The following HECTD2 variants were observed in gnomAD, a reference collection of about 807,000 sequenced individuals.
The protein encoded by HECTD2 is probable E3 ubiquitin-protein ligase HECTD2.
Under a neutral mutation model 103.2 loss-of-function variants are expected in HECTD2, and 35 were observed. The ratio of observed to expected loss-of-function variants is 0.34; its 90% CI spans 0.26 to 0.45. HECTD2 has a LOEUF of 0.45. Ranked by LOEUF, HECTD2 falls within the 20% of genes least tolerant of loss-of-function variation. The pLI, the probability that HECTD2 is intolerant of heterozygous loss-of-function variation, is 1.00. For synonymous variants in HECTD2, 281 were observed against 329.9 expected, an observed-to-expected ratio of 0.85 and a Z score of 1.61; for missense variants, 596 against 937.4, an observed-to-expected ratio of 0.64 and a Z score of 4.76.
chr10:91,512,452 T>G lies in HECTD2; in HGVS notation c.*68T>G. ...TTCCCTCTTACTGTGCCTTTAGCCT[T>G]TTCATGTTTCTGTCTCAAAACACTT... On this transcript the variant is annotated 3_prime_UTR_variant, in exon 21 of 21. Coordinates refer to ENST00000298068, the MANE Select transcript of HECTD2 (RefSeq NM_182765.6). 1 of 1,357,184 alleles carries G rather than the reference T, an allele frequency of 7.4e-7. No individual in the cohort carries two copies. The highest frequency in any genetic ancestry group is 1.5e-5 in the South Asian group (1 of 65,810). 84.1% of individuals were successfully genotyped at this position (1,357,184 alleles called of 1,614,324 possible).
chr10:91,460,095 C>T (rs1845279566), intron 2 of HECTD2, among the ~76,000 whole-genome samples: 1 of 151,944 alleles, frequency 6.6e-6, no homozygotes, highest in South Asian at 2.1e-4. Context: ...ATTGAAATAC[C>T]CCCGGAAAGA....
chr10:91,509,591 A>T (rs1217056433), intron 20 of HECTD2, among the ~76,000 whole-genome samples: 1 of 152,172 alleles, frequency 6.6e-6, no homozygotes, highest in Non-Finnish European at 1.5e-5. Context: ...ATGGAATACT[A>T]TGCAGCCATT....
chr10:91,421,798 T>A (rs1843370188), intron 1 of HECTD2, among the ~76,000 whole-genome samples: 1 of 152,248 alleles, frequency 6.6e-6, no homozygotes, highest in Admixed American at 6.5e-5. Flanking sequence ...CAGTGAGGTG[T>A]CAAAATATGC....
intron 10 of HECTD2, 98 bp downstream of exon 10, chr10:91,485,401 C>A: frequency 1.2e-6 from 1 of 830,330 alleles, no homozygotes; most frequent in Admixed American, 2.9e-5. Flanking sequence ...CATACGTTTA[C>A]ATATAAATGT....
At chr10:91,470,073 A>G (rs1247995093) in intron 5 of HECTD2, among the ~76,000 whole-genome samples, 1 of 151,996 alleles carries the variant, frequency 6.6e-6, no homozygotes, top group Admixed American at 6.6e-5. Context: ...TTATAAAGGA[A>G]CTTCTTAGAG....
In HECTD2 at chr10:91,416,400, T is replaced by C. The variant is rs184168029; in HGVS notation, c.138+5824T>C. Among the ~76,000 whole-genome samples the C allele has an allele frequency of 5.7e-4, 87 of 152,348 alleles. 1 individual carries two copies. The highest frequency in any genetic ancestry group is 3.9e-3 in the Admixed American group (60 of 15,302). ...TTCTAGTCAATGACAGATCACATAA[T>C]CTGAAGGCAGTCTAATGCCTTTTCT... On this transcript the variant is annotated intron_variant, in intron 1 of 20. Coordinates refer to ENST00000298068, the MANE Select transcript of HECTD2 (RefSeq NM_182765.6).
intron 10 of HECTD2, chr10:91,485,885 A>T (rs1392191985): frequency 6.6e-6 from 1 of 152,140 alleles, no homozygotes; most frequent in African/African-American, 2.4e-5. Flanking sequence ...TAGGTGCAAT[A>T]TAAAAAGAGT....
chr10:91,456,227 T>TGTTTATG (rs1443228023), intron 2 of HECTD2, among the ~76,000 whole-genome samples: 3 of 152,222 alleles, frequency 2.0e-5, no homozygotes, highest in African/African-American at 7.2e-5. Flanking sequence ...TTCTTCCATT[T>TGTTTATG]GTTTATGTCC....
In HECTD2 at chr10:91,492,340, A is replaced by G. The variant is rs755017596; in HGVS notation, c.1300-12A>G. On this transcript the variant is annotated splice_polypyrimidine_tract_variant and intron_variant, in intron 12 of 20. Transcript: ENST00000298068. The stretch of plus-strand genomic sequence containing the variant: ...TCTTTGTTCTCCTCTACTGTATAAT[A>G]TCTTCAAATAGCTAACCCGGAAAAG... 1.2e-6 allele frequency: 2 copies of G among 1,608,860 alleles called. No homozygotes were observed. Among genetic ancestry groups the G allele is most frequent in the African/African-American group, 1.3e-5 (1 of 74,806 alleles).
intron 20 of HECTD2, among the ~76,000 whole-genome samples, chr10:91,502,880 C>G (rs752881488): frequency 6.6e-6 from 1 of 152,176 alleles, no homozygotes; most frequent in South Asian, 2.1e-4. Context: ...AATCTAGAAC[C>G]TCTAGGATTC....
In HECTD2 at chr10:91,462,485, T is replaced by C. The variant is rs949310049; in HGVS notation, c.600+301T>C. ...AATTATATTGGAATTACACTGAATC[T>C]GTAGATCAGTGGTTCTTAAACATTA... On this transcript the variant is annotated intron_variant, in intron 5 of 20. Coordinates refer to ENST00000298068, the MANE Select transcript of HECTD2 (RefSeq NM_182765.6). 5 of 1,151,932 alleles carry C rather than the reference T, an allele frequency of 4.3e-6. No individual in the cohort carries two copies. The African/African-American group carries it at 8.0e-5, about 18-fold the overall frequency. 71.4% of individuals were successfully genotyped at this position (1,151,932 alleles called of 1,614,324 possible). A position where few individuals can be genotyped will look rare whatever the true frequency, so the allele number is the denominator to read the frequency against.
chr10:91,492,337 A>G lies in HECTD2; in HGVS notation c.1300-15A>G, dbSNP rs780525758. 1.2e-6 allele frequency: 2 copies of G among 1,607,506 alleles called. No individual in the cohort carries two copies. The highest frequency in any genetic ancestry group is 8.5e-7 in the Non-Finnish European group (1 of 1,174,248). ...TGCTCTTTGTTCTCCTCTACTGTAT[A>G]ATATCTTCAAATAGCTAACCCGGAA... On this transcript the variant is annotated splice_polypyrimidine_tract_variant and intron_variant, in intron 12 of 20. Coordinates refer to ENST00000298068, the MANE Select transcript of HECTD2 (RefSeq NM_182765.6).
intron 5 of HECTD2, among the ~76,000 whole-genome samples, chr10:91,468,694 C>G (rs1343289110): frequency 6.6e-6 from 1 of 152,098 alleles, no homozygotes; most frequent in Non-Finnish European, 1.5e-5. Flanking sequence ...GATGAAATGG[C>G]TTGTTTTAAG....
chr10:91,478,152 C>T (rs1167596078), intron 5 of HECTD2, 49 bp from the exon 6 acceptor site: 3 of 1,174,984 alleles, frequency 2.6e-6, no homozygotes, highest in East Asian at 2.3e-5. Context: ...ATATAAACGT[C>T]ACCTAATTTG....
At chr10:91,471,024 A>C (rs916278203) in intron 5 of HECTD2, among the ~76,000 whole-genome samples, 1 of 122,932 alleles carries the variant, frequency 8.1e-6, no homozygotes, top group African/African-American at 6.2e-5. Flanking sequence ...ACACACACAA[A>C]GAAAACCTCA....
At chr10:91,454,184 G>A (rs962517039) in intron 2 of HECTD2, among the ~76,000 whole-genome samples, 1 of 152,048 alleles carries the variant, frequency 6.6e-6, no homozygotes, top group African/African-American at 2.4e-5. Flanking sequence ...TCAACCAACA[G>A]CACATTTACA....
intron 2 of HECTD2, among the ~76,000 whole-genome samples, chr10:91,437,979 A>G (rs1382895316): frequency 2.0e-5 from 3 of 152,040 alleles, no homozygotes; most frequent in Non-Finnish European, 4.4e-5. Flanking sequence ...ATTAGAGCAT[A>G]ATTATATTAA....
chr10:91,415,600 G>T (rs1410254533), intron 1 of HECTD2, among the ~76,000 whole-genome samples: 22 of 152,120 alleles, frequency 1.4e-4, no homozygotes, highest in Admixed American at 1.4e-3. Flanking sequence ...GGCTAGTCAG[G>T]GACAGTGGTT....
chr10:91,460,698 T>A (rs921711039), intron 3 of HECTD2, 133 bp downstream of exon 3: 10 of 749,924 alleles, frequency 1.3e-5, no homozygotes, highest in Non-Finnish European at 1.7e-5. Context: ...CAAAAGACTA[T>A]ATGTCTCAAG....
Sources: allele counts gnomAD v4.1 joint callset (sites outside exome capture counted in the v4.1 genomes callset), GRCh38; gene constraint gnomAD v4.1.1; transcripts MANE v1.5; gene names NCBI Gene and HGNC (gene_info 2026-07-23, HGNC 2026-07-21).